ZEB1: variants seen among roughly 807,000 people sequenced by gnomAD.
ZEB1 encodes the protein zinc finger E-box-binding homeobox 1.
ZEB1 carries 21 observed loss-of-function variants against 84.9 expected under a neutral mutation model. The observed-to-expected ratio is 0.25, with a 90% CI of 0.18 to 0.36. The LOEUF (loss-of-function observed/expected upper bound fraction) is 0.36, where lower values mean the gene tolerates loss of function less well. ZEB1 is among the 10% of genes least tolerant of loss of function. The pLI, the probability that ZEB1 is intolerant of heterozygous loss-of-function variation, is 1.00. For synonymous variants in ZEB1, 420 were observed against 471.1 expected, an observed-to-expected ratio of 0.89 and a Z score of 1.41; for missense variants, 1,104 against 1,330.2, an observed-to-expected ratio of 0.83 and a Z score of 2.65.
chr10:31,405,305 G>T (rs911791452), intron 1 of ZEB1, among the ~76,000 whole-genome samples: 1 of 152,130 alleles, frequency 6.6e-6, no homozygotes, highest in Non-Finnish European at 1.5e-5. Flanking sequence ...AGTGTCAAAG[G>T]TGGTCAAACT....
intron 1 of ZEB1, 41 bp downstream of exon 1, chr10:31,319,333 G>T (rs1037130175): frequency 6.9e-6 from 11 of 1,589,874 alleles, no homozygotes; most frequent in Non-Finnish European, 9.4e-6. Context: ...GAGTCAGGGG[G>T]AGCTGGGCAG....
intron 2 of ZEB1, among the ~76,000 whole-genome samples, chr10:31,474,299 G>T (rs1483820640): frequency 6.6e-6 from 1 of 151,504 alleles, no homozygotes; most frequent in Admixed American, 6.6e-5. Flanking sequence ...GAAAATTTTT[G>T]CAACCTACTC....
chr10:31,319,146 G>A (rs577608114), upstream of ZEB1: 15 of 859,576 alleles, frequency 1.7e-5, no homozygotes, highest in African/African-American at 1.2e-4. Flanking sequence ...GCGGTGGGGA[G>A]GGGGGAGGGG....
At position 31,469,270 on chromosome 10, in the gene ZEB1, C is replaced by T. The variant is rs535306474; in HGVS notation, c.259+8033C>T. 3.6e-3 allele frequency among the ~76,000 whole-genome samples: 544 copies of T among 152,246 alleles called. 5 individuals carry two copies. The highest frequency in any genetic ancestry group is 0.012 in the African/African-American group (495 of 41,526). ...CTCCCAGCGTGAGCGACGCAGAAGA[C>T]GGGTGATTTCTGCATTTCCATCTGA... On this transcript the variant is annotated intron_variant, in intron 2 of 8. Transcript: ENST00000424869.
At chr10:31,524,198 CTTTCT>C (rs1346507997) in intron 8 of ZEB1, 85 bp downstream of exon 8, 5 of 1,154,834 alleles carry the variant, frequency 4.3e-6, no homozygotes, top group African/African-American at 1.8e-5. Flanking sequence ...TTAGAATTTT[CTTTCT>C]TTTTTTTTTT....
At chr10:31,355,216 C>G (rs753177905) in intron 1 of ZEB1, 2 of 151,852 alleles carry the variant, frequency 1.3e-5, no homozygotes, top group Non-Finnish European at 2.9e-5. Context: ...GTGTTTGAGC[C>G]CTAAAGTCAT....
chr10:31,455,851 A>G (rs906421831), intron 1 of ZEB1, among the ~76,000 whole-genome samples: 1 of 152,194 alleles, frequency 6.6e-6, no homozygotes, highest in Admixed American at 6.5e-5. Context: ...CAATGTGGCG[A>G]TTCCTCAAGG....
chr10:31,355,379 A>G (rs1056293291), intron 1 of ZEB1, among the ~76,000 whole-genome samples: 2 of 152,240 alleles, frequency 1.3e-5, no homozygotes, highest in Non-Finnish European at 2.9e-5. Context: ...ATTAAATGCT[A>G]TTCTTGCCAG....
chr10:31,350,652 C>T (rs1300520859), intron 1 of ZEB1, among the ~76,000 whole-genome samples: 1 of 152,114 alleles, frequency 6.6e-6, no homozygotes, highest in Non-Finnish European at 1.5e-5. Flanking sequence ...CTATAATTAG[C>T]TTCCTAAACT....
intron 1 of ZEB1, among the ~76,000 whole-genome samples, chr10:31,439,095 C>T (rs2058607086): frequency 6.6e-6 from 1 of 151,976 alleles, no homozygotes; most frequent in Admixed American, 6.5e-5. Context: ...TCCTTTGGTA[C>T]CTGATTTCCT....
intron 1 of ZEB1, among the ~76,000 whole-genome samples, chr10:31,390,657 GT>G (rs1193422641): frequency 6.6e-6 from 1 of 151,988 alleles, no homozygotes; most frequent in Admixed American, 6.6e-5. Flanking sequence ...CCTACCATTG[GT>G]TTCCATTGCA....
In ZEB1 at chr10:31,444,624, C is replaced by A. The variant is rs905297900; in HGVS notation, c.59-16413C>A. 7.2e-5 allele frequency among the ~76,000 whole-genome samples: 11 copies of A among 152,010 alleles called. No individual in the cohort carries two copies. In the East Asian group the frequency reaches 1.9e-3, roughly 27 times the overall value. On this transcript the variant is annotated intron_variant, in intron 1 of 8. Coordinates refer to ENST00000424869, the MANE Select transcript of ZEB1 (RefSeq NM_001174096.2). The stretch of plus-strand genomic sequence containing the variant: ...AAGGAAGGGATCCAGTTTCAGCTTT[C>A]TACATATGGCTAGCCAGTTTTCCCA...
At chr10:31,444,506 G>C (rs1183197499) in intron 1 of ZEB1, among the ~76,000 whole-genome samples, 1 of 151,322 alleles carries the variant, frequency 6.6e-6, no homozygotes, top group Non-Finnish European at 1.5e-5. Flanking sequence ...TGTCCTGAAT[G>C]GTAATGCCTA....
intron 1 of ZEB1, among the ~76,000 whole-genome samples, chr10:31,372,017 A>G (rs1342006849): frequency 6.6e-6 from 1 of 152,076 alleles, no homozygotes; most frequent in Non-Finnish European, 1.5e-5. Context: ...ATGCACATGT[A>G]TGTGAGAGAG....
At chr10:31,507,917 A>T (rs1443006926) in intron 4 of ZEB1, among the ~76,000 whole-genome samples, 3 of 151,756 alleles carry the variant, frequency 2.0e-5, no homozygotes, top group African/African-American at 7.3e-5. Flanking sequence ...TTGTATTCTT[A>T]CCTTGATACC....
chr10:31,465,508 G>T (rs1205302273), intron 2 of ZEB1, among the ~76,000 whole-genome samples: 1 of 151,372 alleles, frequency 6.6e-6, no homozygotes, highest in South Asian at 2.1e-4. Flanking sequence ...AGAAACAAAG[G>T]CACTTAAAAC....
At chr10:31,419,280 T>C (rs2055743258) in intron 1 of ZEB1, among the ~76,000 whole-genome samples, 1 of 152,004 alleles carries the variant, frequency 6.6e-6, no homozygotes, top group Non-Finnish European at 1.5e-5. Flanking sequence ...ATGAATGCCC[T>C]GGGGGGATAA....
intron 2 of ZEB1, among the ~76,000 whole-genome samples, chr10:31,484,315 A>G (rs974779700): frequency 3.3e-5 from 5 of 152,092 alleles, no homozygotes; most frequent in Middle Eastern, 6.8e-3. Flanking sequence ...CACAATGTAA[A>G]AAAAATCACA....
intron 1 of ZEB1, among the ~76,000 whole-genome samples, chr10:31,366,087 A>G (rs1451857403): frequency 1.3e-5 from 2 of 152,156 alleles, no homozygotes; most frequent in Non-Finnish European, 2.9e-5. Flanking sequence ...CCCGCTTTCA[A>G]GTCTTTGCTC....
Sources: gnomAD v4.1 joint callset for allele counts (sites outside exome capture counted in the v4.1 genomes callset) on GRCh38, gnomAD v4.1.1 for gene constraint, MANE v1.5 for transcripts, NCBI Gene and HGNC (gene_info 2026-07-23, HGNC 2026-07-21) for gene names.